Variants in HP1BP3 observed in about 807,000 individuals in gnomAD.
HP1BP3 encodes the protein heterochromatin protein 1 binding protein 3.
In HP1BP3, 12 loss-of-function variants were observed where a neutral mutation model predicts 62.5. The observed-to-expected ratio is 0.19, with a 90% CI of 0.12 to 0.31. The LOEUF (loss-of-function observed/expected upper bound fraction) is 0.31, where lower values mean the gene tolerates loss of function less well. HP1BP3 is among the 10% of genes least tolerant of loss of function. HP1BP3 has a pLI of 1.00. For synonymous variants in HP1BP3, 260 were observed against 237.8 expected, an observed-to-expected ratio of 1.09 and a Z score of -0.86; for missense variants, 502 against 651.8, an observed-to-expected ratio of 0.77 and a Z score of 2.50.
chr1:20,785,207 C>G (rs1013480916), intron 1 of HP1BP3, among the ~76,000 whole-genome samples: 2 of 152,144 alleles, frequency 1.3e-5, no homozygotes, highest in Non-Finnish European at 2.9e-5. Flanking sequence ...CCACCATGCA[C>G]GGCTTTAAAT....
In HP1BP3 at chr1:20,749,895, G is replaced by A; in HGVS notation, c.982-13C>T. On this transcript the variant is annotated splice_polypyrimidine_tract_variant and intron_variant, in intron 9 of 12. Transcript: ENST00000438032. ...CTGATTTCTTCAGCTGTTTTCCAAGGAGGAAGAGAAAAGCATCAAGACAAC... is the reference window on the plus strand; with the variant it reads ...CTGATTTCTTCAGCTGTTTTCCAAGAAGGAAGAGAAAAGCATCAAGACAAC... 6.2e-7 allele frequency: 1 copy of A among 1,608,686 alleles called. No individual in the cohort carries two copies. The highest frequency in any genetic ancestry group is 8.5e-7 in the Non-Finnish European group (1 of 1,177,216).
chr1:20,744,778 C>A lies in HP1BP3; in HGVS notation c.*19G>T. The A allele has an allele frequency of 6.3e-7, 1 of 1,577,086 alleles. No homozygotes were observed. Among genetic ancestry groups the A allele is most frequent in the Non-Finnish European group, 8.6e-7 (1 of 1,163,812 alleles). ...TAAGATTTTGAATTTCATCATGATA[C>A]CCTTTTTTCCTATAAAATTTACTTT... On this transcript the variant is annotated 3_prime_UTR_variant, in exon 13 of 13. Transcript: ENST00000438032.
At chr1:20,761,706 A>T (rs969659199) in intron 8 of HP1BP3, among the ~76,000 whole-genome samples, 1 of 152,234 alleles carries the variant, frequency 6.6e-6, no homozygotes, top group Non-Finnish European at 1.5e-5. Flanking sequence ...AGGAATCACC[A>T]AGTGAATGTG....
chr1:20,778,251 TA>T (rs1404770929), intron 3 of HP1BP3, among the ~76,000 whole-genome samples: 1 of 152,254 alleles, frequency 6.6e-6, no homozygotes, highest in African/African-American at 2.4e-5. Flanking sequence ...ATGTATTATG[TA>T]TAAGACTGTT....
chr1:20,750,613 T>A (rs80124376), intron 9 of HP1BP3, among the ~76,000 whole-genome samples: 3,853 of 151,474 alleles, frequency 0.025, 110 homozygotes, highest in East Asian at 0.096. Flanking sequence ...AAAAATGAAG[T>A]ATAGCTGACC....
At chr1:20,786,442 T>C (rs983760511) in intron 1 of HP1BP3, 1 of 152,346 alleles carries the variant, frequency 6.6e-6, no homozygotes, top group Admixed American at 6.5e-5. Context: ...GCGAGGTAGC[T>C]ACAGGCCACA....
chr1:20,750,552 T>TA lies in HP1BP3; in HGVS notation c.982-671dup, dbSNP rs200570598. ...AAAAAATAAATAAATAAAATAAATT[T>TA]AAAAAAAAAAAGATTATTTTATTTG... is the stretch of plus-strand genomic sequence containing the variant. On this transcript the variant is annotated intron_variant, in intron 9 of 12. Transcript: ENST00000438032. 2.0e-3 allele frequency among the ~76,000 whole-genome samples: 293 copies of TA among 144,392 alleles called. 1 individual carries two copies. Among genetic ancestry groups the TA allele is most frequent in the Middle Eastern group, 0.014 (4 of 288 alleles). The allele number at this position is 144,392 out of a possible 152,430, so 94.7% of individuals were successfully genotyped here.
chr1:20,772,242 T>C (rs186113652), intron 5 of HP1BP3, among the ~76,000 whole-genome samples: 2 of 152,382 alleles, frequency 1.3e-5, no homozygotes, highest in African/African-American at 2.4e-5. Flanking sequence ...TCATATTGCA[T>C]GGAATACACA....
chr1:20,748,965 G>A (rs12724604), intron 10 of HP1BP3, among the ~76,000 whole-genome samples: 4,248 of 152,238 alleles, frequency 0.028, 90 homozygotes, highest in Middle Eastern at 0.048. Flanking sequence ...CCACCTCCTA[G>A]AGTAAATATA....
At chr1:20,771,951 ACT>A (rs1216697481) in intron 5 of HP1BP3, among the ~76,000 whole-genome samples, 3 of 152,192 alleles carry the variant, frequency 2.0e-5, no homozygotes, top group Admixed American at 1.3e-4. Context: ...AAGAAAAATA[ACT>A]CACAGGTAGA....
Position 20,757,200 on chromosome 1 carries a change from T to C in HP1BP3, c.947A>G (p.Gln316Arg), listed in dbSNP as rs757446472. The C allele has an allele frequency of 6.2e-7, 1 of 1,612,780 alleles. No individual in the cohort carries two copies. The highest frequency in any genetic ancestry group is 1.3e-5 in the African/African-American group (1 of 74,952). Residue 316 changes from glutamine (Q) to arginine (R), a missense_variant, in exon 9 of 13, where the codon CAG becomes CGG. Around this residue, in one of 5 missense-constraint regions of HP1BP3, gnomAD observed 111 missense variants for 242.0 expected, o/e 0.46. Coordinates refer to ENST00000438032, the MANE Select transcript of HP1BP3 (RefSeq NM_001372052.1). ...QRAVERGQLEQITGKGASGTF... is the reference protein window; with the variant it reads ...QRAVERGQLERITGKGASGTF... ...CCCCGAAGCACCTTTGCCAGTTATC[T>C]GTTCTAACTGGCCCCTCTCTACTGC...
intron 9 of HP1BP3, among the ~76,000 whole-genome samples, chr1:20,750,863 G>C (rs528215023): frequency 6.9e-6 from 1 of 145,112 alleles, no homozygotes; most frequent in Non-Finnish European, 1.5e-5. Context: ...TGTTGCCCAG[G>C]CTGGATTGCA....
chr1:20,759,445 C>G (rs1376538707), intron 8 of HP1BP3, among the ~76,000 whole-genome samples: 2 of 152,192 alleles, frequency 1.3e-5, no homozygotes, highest in Non-Finnish European at 2.9e-5. Flanking sequence ...GGTTAATGTT[C>G]TCTATCCTTC....
intron 8 of HP1BP3, among the ~76,000 whole-genome samples, chr1:20,761,195 C>T (rs1030674960): frequency 6.6e-6 from 1 of 152,032 alleles, no homozygotes; most frequent in African/African-American, 2.4e-5. Context: ...CAGGCACGTG[C>T]CACCATGCAT....
chr1:20,749,002 T>C (rs2055532253), intron 10 of HP1BP3, among the ~76,000 whole-genome samples: 1 of 152,180 alleles, frequency 6.6e-6, no homozygotes, highest in South Asian at 2.1e-4. Flanking sequence ...TATTGTCTGT[T>C]GTGGGGCTTA....
At chr1:20,758,423 G>A (rs1024517854) in intron 8 of HP1BP3, among the ~76,000 whole-genome samples, 12 of 151,574 alleles carry the variant, frequency 7.9e-5, no homozygotes, top group Non-Finnish European at 1.3e-4. Context: ...TCAGGTCACT[G>A]CAACCTCCGC....
intron 8 of HP1BP3, among the ~76,000 whole-genome samples, 161 bp from the exon 9 acceptor site, chr1:20,757,417 G>A (rs2056188034): frequency 6.6e-6 from 1 of 150,656 alleles, no homozygotes; most frequent in Non-Finnish European, 1.5e-5. Flanking sequence ...TGTTGCCCAG[G>A]CTGGAGTGCA....
intron 8 of HP1BP3, among the ~76,000 whole-genome samples, chr1:20,759,932 A>G (rs1570599145): frequency 7.9e-6 from 1 of 126,570 alleles, no homozygotes; most frequent in African/African-American, 3.1e-5. Flanking sequence ...TCTGTCGCCC[A>G]GGCTGGAGTG....
intron 1 of HP1BP3, among the ~76,000 whole-genome samples, chr1:20,785,613 A>T (rs538237167): frequency 6.6e-6 from 1 of 152,328 alleles, no homozygotes; most frequent in African/African-American, 2.4e-5. Context: ...ATAGATACTA[A>T]GGACACTACA....
Sources: gnomAD v4.1 joint callset for allele counts (sites outside exome capture counted in the v4.1 genomes callset) on GRCh38, gnomAD v4.1.1 for gene constraint, gnomAD v4.1.1 regional missense constraint, MANE v1.5 for transcripts, NCBI Gene and HGNC (gene_info 2026-07-23, HGNC 2026-07-21) for gene names.